The following ZMYM4 variants were observed in gnomAD, a reference collection of about 807,000 sequenced individuals.
ZMYM4 encodes zinc finger MYM-type protein 4.
In ZMYM4, 31 loss-of-function variants were observed where a neutral mutation model predicts 183.2. The observed-to-expected ratio is 0.17, with a 90% CI of 0.13 to 0.23. The LOEUF (loss-of-function observed/expected upper bound fraction) is 0.23, where lower values mean the gene tolerates loss of function less well. ZMYM4 is among the 10% of genes least tolerant of loss of function. The probability of loss-of-function intolerance (pLI) is 1.00; values close to 1 mark genes in which losing one functional copy is unlikely to be tolerated. For missense variants in ZMYM4, 1,273 were observed against 1,840.3 expected, an observed-to-expected ratio of 0.69 and a Z score of 5.64; for synonymous variants, 592 against 631.2, an observed-to-expected ratio of 0.94 and a Z score of 0.93.
intron 15 of ZMYM4, among the ~76,000 whole-genome samples, chr1:35,390,878 A>G (rs1425161080): frequency 6.6e-6 from 1 of 152,162 alleles, no homozygotes; most frequent in Non-Finnish European, 1.5e-5. Context: ...TAAATATACC[A>G]TGTGCAGGCC....
intron 1 of ZMYM4, among the ~76,000 whole-genome samples, chr1:35,283,326 CTTTTTTTTTTTTTTTT>C (rs201360397): frequency 8.8e-5 from 5 of 56,770 alleles, no homozygotes; most frequent in East Asian, 5.5e-4. Flanking sequence ...GAAGTGGTAT[CTTTTTTTTTTTTTTTT>C]TTTTTTTTTT....
chr1:35,294,824 A>G (rs1313642147), intron 1 of ZMYM4, among the ~76,000 whole-genome samples: 1 of 152,250 alleles, frequency 6.6e-6, no homozygotes, highest in Non-Finnish European at 1.5e-5. Flanking sequence ...AGATTTGACT[A>G]CATTGAAAAC....
At chr1:35,327,371 G>C (rs565030090) in intron 2 of ZMYM4, among the ~76,000 whole-genome samples, 1 of 152,218 alleles carries the variant, frequency 6.6e-6, no homozygotes, top group South Asian at 2.1e-4. Context: ...GAATAGAATT[G>C]ATTAATTATC....
intron 25 of ZMYM4, among the ~76,000 whole-genome samples, chr1:35,407,359 C>T (rs999148056): frequency 6.7e-6 from 1 of 149,376 alleles, no homozygotes; most frequent in Non-Finnish European, 1.5e-5. Flanking sequence ...TTGAACCCGG[C>T]GGAGGTTGCA....
chr1:35,353,877 A>G (rs1643718854), intron 2 of ZMYM4, among the ~76,000 whole-genome samples: 1 of 152,210 alleles, frequency 6.6e-6, no homozygotes, highest in South Asian at 2.1e-4. Context: ...GGCCAGGTGC[A>G]GTGGCTCATG....
chr1:35,280,678 C>T (rs1640112021), intron 1 of ZMYM4, among the ~76,000 whole-genome samples: 1 of 152,170 alleles, frequency 6.6e-6, no homozygotes, highest in Non-Finnish European at 1.5e-5. Flanking sequence ...GGTGGTCCCA[C>T]GTGTTCCTTG....
At position 35,418,510 on chromosome 1, in the gene ZMYM4, A is replaced by C; in HGVS notation, c.4377A>C (p.Ala1459=). The C allele has an allele frequency of 1.9e-6, 3 of 1,614,186 alleles. No individual in the cohort carries two copies. Among genetic ancestry groups the C allele is most frequent in the Non-Finnish European group, 2.5e-6 (3 of 1,179,996 alleles). The change falls in exon 29 of 30, where the codon GCA becomes GCC. Residue 1459 remains alanine, a synonymous_variant. Coordinates refer to ENST00000314607, the MANE Select transcript of ZMYM4 (RefSeq NM_005095.3). ...AGGTTCCAGTGGGGGTGGAGATGGC[A>C]GAGAATACTGACAATCCACTAAGAT... is the stretch of plus-strand genomic sequence containing the variant. ...DDEVPVGVEM[A]ENTDNPLRCP...
At chr1:35,321,423 A>T (rs1642277138) in intron 1 of ZMYM4, among the ~76,000 whole-genome samples, 1 of 152,222 alleles carries the variant, frequency 6.6e-6, no homozygotes, top group African/African-American at 2.4e-5. Context: ...TTGGGTGAGC[A>T]GCTATAGGTT....
intron 2 of ZMYM4, among the ~76,000 whole-genome samples, chr1:35,349,963 T>TA (rs1643539450): frequency 2.0e-5 from 3 of 149,570 alleles, no homozygotes; most frequent in African/African-American, 7.5e-5. Context: ...TTTTTCATTT[T>TA]TTATATATAT....
chr1:35,411,407 G>A (rs918681850), intron 26 of ZMYM4, among the ~76,000 whole-genome samples: 4 of 151,726 alleles, frequency 2.6e-5, no homozygotes, highest in South Asian at 2.1e-4. Flanking sequence ...CGCCTGCCTC[G>A]GCCTCCCAAA....
At position 35,285,679 on chromosome 1, in the gene ZMYM4, A is replaced by G. The variant is rs560406552; in HGVS notation, c.39+16594A>G. Among the ~76,000 whole-genome samples, 139 of 152,198 alleles carry G rather than the reference A, an allele frequency of 9.1e-4. 1 individual carries two copies. Among genetic ancestry groups the G allele is most frequent in the Admixed American group, 2.2e-3 (34 of 15,278 alleles). On this transcript the variant is annotated intron_variant, in intron 1 of 29. Transcript: ENST00000314607. ...AATCTAGAGATGATTTAAATTGTAT[A>G]GGAGGATGTGTGTAGGTTATATGCA...
chr1:35,402,505 T>A (rs1644926981), intron 23 of ZMYM4, among the ~76,000 whole-genome samples: 1 of 152,032 alleles, frequency 6.6e-6, no homozygotes, highest in Non-Finnish European at 1.5e-5. Context: ...TGGTCCCAGC[T>A]ACTTGGAGGG....
chr1:35,354,762 A>G (rs1163000588), intron 2 of ZMYM4, among the ~76,000 whole-genome samples: 5 of 143,766 alleles, frequency 3.5e-5, no homozygotes, highest in African/African-American at 1.3e-4. Flanking sequence ...AAAAAGTTGA[A>G]TTGTTGGGTC....
intron 1 of ZMYM4, among the ~76,000 whole-genome samples, chr1:35,319,943 ATTCT>A (rs923348768): frequency 3.3e-5 from 5 of 152,218 alleles, no homozygotes; most frequent in Non-Finnish European, 7.3e-5. Flanking sequence ...AATAGAAATG[ATTCT>A]TTTATTTAGC....
intron 18 of ZMYM4, among the ~76,000 whole-genome samples, chr1:35,394,170 T>TTTTTTTTTC: frequency 1.6e-5 from 2 of 126,102 alleles, no homozygotes; most frequent in African/African-American, 5.7e-5. Flanking sequence ...TTCTTTTTTT[T>TTTTTTTTTC]TTTTTTTTTT....
chr1:35,417,315 G>A (rs1480284373), intron 28 of ZMYM4, among the ~76,000 whole-genome samples: 1 of 151,692 alleles, frequency 6.6e-6, no homozygotes, highest in Non-Finnish European at 1.5e-5. Flanking sequence ...AATGGAAAAA[G>A]TGGGAAAGAA....
At chr1:35,326,038 C>T (rs1642488802) in intron 2 of ZMYM4, among the ~76,000 whole-genome samples, 1 of 151,872 alleles carries the variant, frequency 6.6e-6, no homozygotes, top group African/African-American at 2.4e-5. Flanking sequence ...CCTGTTGCAC[C>T]CTTTTTAATG....
chr1:35,286,109 A>G (rs1002325242), intron 1 of ZMYM4, among the ~76,000 whole-genome samples: 5 of 152,232 alleles, frequency 3.3e-5, no homozygotes, highest in African/African-American at 1.2e-4. Context: ...AACTATCTCT[A>G]TTTAAAGGTG....
chr1:35,324,891 A>G lies in ZMYM4; in HGVS notation c.40-469A>G, dbSNP rs149580884. 2.4e-3 allele frequency among the ~76,000 whole-genome samples: 369 copies of G among 152,226 alleles called. 2 individuals carry two copies. Among genetic ancestry groups the G allele is most frequent in the African/African-American group, 7.9e-3 (327 of 41,526 alleles). ...CTACTTCTGTCTTAGGCACTAACGT[A>G]CTCAGTAGGAACCATCCCTATAACA... On this transcript the variant is annotated intron_variant, in intron 1 of 29. Transcript: ENST00000314607.
Sources: gnomAD v4.1 joint callset for allele counts (sites outside exome capture counted in the v4.1 genomes callset) on GRCh38, gnomAD v4.1.1 for gene constraint, MANE v1.5 for transcripts, NCBI Gene and HGNC (gene_info 2026-07-23, HGNC 2026-07-21) for gene names.